MACROD2: variants seen among roughly 807,000 people sequenced by gnomAD.
MACROD2 encodes the protein ADP-ribose glycohydrolase MACROD2.
In MACROD2, 36 loss-of-function variants were observed where a neutral mutation model predicts 70.4. The ratio of observed to expected loss-of-function variants is 0.51; its 90% CI spans 0.39 to 0.68. The LOEUF is 0.68. Among genes scored for constraint, MACROD2 ranks in the 30% least tolerant of loss-of-function variants. The pLI is 0.00. For synonymous variants in MACROD2, 172 were observed against 178.8 expected (o/e 0.96, Z 0.30); for missense variants, 496 against 538.4 (o/e 0.92, Z 0.78).
At chr20:14,247,028 A>G (rs2122254216) in intron 3 of MACROD2, among the ~76,000 whole-genome samples, 1 of 152,314 alleles carries the variant, frequency 6.6e-6, no homozygotes, top group Admixed American at 6.5e-5. Flanking sequence ...CAAAATGTCT[A>G]CAGTTCACCT....
At chr20:14,507,358 A>G (rs953027498) in intron 4 of MACROD2, among the ~76,000 whole-genome samples, 1 of 152,164 alleles carries the variant, frequency 6.6e-6, no homozygotes, top group African/African-American at 2.4e-5. Flanking sequence ...GAAAAGTAGA[A>G]TGGTGATCAC....
chr20:14,379,071 G>A (rs204654), intron 3 of MACROD2, among the ~76,000 whole-genome samples: 1,742 of 152,220 alleles, frequency 0.011, 30 homozygotes, highest in African/African-American at 0.04. Context: ...TATGTGCCAG[G>A]TACTTGACTA....
intron 3 of MACROD2, among the ~76,000 whole-genome samples, chr20:14,245,828 C>T (rs1194488195): frequency 6.6e-6 from 1 of 152,166 alleles, no homozygotes; most frequent in African/African-American, 2.4e-5. Flanking sequence ...TGAAAATTCA[C>T]AGACACCATT....
chr20:14,083,635 A>T (rs1488322827), intron 2 of MACROD2, among the ~76,000 whole-genome samples: 1 of 152,144 alleles, frequency 6.6e-6, no homozygotes, highest in African/African-American at 2.4e-5. Context: ...AGAGATAAAT[A>T]GTACTGTAGG....
intron 5 of MACROD2, among the ~76,000 whole-genome samples, chr20:15,050,898 T>C (rs1337932270): frequency 6.6e-6 from 1 of 152,088 alleles, no homozygotes; most frequent in African/African-American, 2.4e-5. Context: ...ACTCAAAGGG[T>C]GTTCAAAATT....
chr20:15,704,244 G>A (rs930367165), intron 8 of MACROD2, among the ~76,000 whole-genome samples: 1 of 151,618 alleles, frequency 6.6e-6, no homozygotes, highest in African/African-American at 2.4e-5. Context: ...GAATCCTTTA[G>A]CCTGAAGAAA....
intron 3 of MACROD2, among the ~76,000 whole-genome samples, chr20:14,274,371 A>T (rs2082229449): frequency 1.3e-5 from 2 of 152,236 alleles, no homozygotes; most frequent in South Asian, 4.1e-4. Flanking sequence ...AATCCAGCAT[A>T]TAAACAGAAC....
At chr20:15,640,140 TAAAAG>T (rs1030234680) in intron 8 of MACROD2, among the ~76,000 whole-genome samples, 1 of 143,670 alleles carries the variant, frequency 7.0e-6, no homozygotes, top group Non-Finnish European at 1.5e-5. Flanking sequence ...GGAGAAATGA[TAAAAG>T]AGAGAAAAAG....
chr20:14,226,517 C>T (rs894925419), intron 3 of MACROD2, among the ~76,000 whole-genome samples: 1 of 152,238 alleles, frequency 6.6e-6, no homozygotes, highest in African/African-American at 2.4e-5. Flanking sequence ...TAGGGAGGCG[C>T]GAGCGGGAAC....
intron 5 of MACROD2, among the ~76,000 whole-genome samples, chr20:14,824,939 A>T (rs2122218403): frequency 6.6e-6 from 1 of 152,194 alleles, no homozygotes; most frequent in South Asian, 2.1e-4. Flanking sequence ...CCCATTTTCC[A>T]TTTAAGATAA....
At chr20:14,603,201 A>G (rs1379444111) in intron 4 of MACROD2, among the ~76,000 whole-genome samples, 2 of 152,130 alleles carry the variant, frequency 1.3e-5, no homozygotes, top group Non-Finnish European at 2.9e-5. Flanking sequence ...AGGCTTGAAG[A>G]GTTTTTACAT....
intron 5 of MACROD2, among the ~76,000 whole-genome samples, chr20:15,053,306 C>T (rs1266598033): frequency 6.6e-6 from 1 of 152,154 alleles, no homozygotes; most frequent in Non-Finnish European, 1.5e-5. Flanking sequence ...ATGTTCATCA[C>T]TAGAAAAGAG....
chr20:15,664,751 G>A (rs2049874244), intron 8 of MACROD2, among the ~76,000 whole-genome samples: 1 of 152,084 alleles, frequency 6.6e-6, no homozygotes, highest in Non-Finnish European at 1.5e-5. Context: ...ACGCACAGTG[G>A]CACAAGTGCA....
At chr20:15,435,173 TAA>T in intron 7 of MACROD2, among the ~76,000 whole-genome samples, 1 of 152,144 alleles carries the variant, frequency 6.6e-6, no homozygotes, top group Admixed American at 6.5e-5. Flanking sequence ...AATGTTGAAA[TAA>T]AAATACAATT....
intron 5 of MACROD2, among the ~76,000 whole-genome samples, chr20:14,912,097 G>T (rs1236758713): frequency 6.6e-6 from 1 of 152,068 alleles, no homozygotes; most frequent in Non-Finnish European, 1.5e-5. Context: ...GGGGTCACTT[G>T]GTCCCATCTC....
intron 8 of MACROD2, among the ~76,000 whole-genome samples, chr20:15,562,895 G>A (rs1485248211): frequency 6.6e-6 from 1 of 152,212 alleles, no homozygotes; most frequent in Non-Finnish European, 1.5e-5. Flanking sequence ...GATGGAGCTA[G>A]GGAGACCCAG....
At chr20:15,685,708 G>A (rs2050216807) in intron 8 of MACROD2, among the ~76,000 whole-genome samples, 1 of 152,124 alleles carries the variant, frequency 6.6e-6, no homozygotes, top group African/African-American at 2.4e-5. Flanking sequence ...ACTACTGCCT[G>A]GGTAATGACT....
chr20:14,216,844 G>A (rs965828961), intron 3 of MACROD2, among the ~76,000 whole-genome samples: 3 of 152,042 alleles, frequency 2.0e-5, no homozygotes, highest in African/African-American at 7.2e-5. Context: ...CTACTGATTT[G>A]TGTACATTAA....
At chr20:15,028,340 A>C (rs943186423) in intron 5 of MACROD2, among the ~76,000 whole-genome samples, 3 of 152,180 alleles carry the variant, frequency 2.0e-5, no homozygotes, top group African/African-American at 7.2e-5. Flanking sequence ...TGAGCCTTCT[A>C]ATGCACAGGG....
Sources: allele counts gnomAD v4.1 joint callset (sites outside exome capture counted in the v4.1 genomes callset), GRCh38; gene constraint gnomAD v4.1.1; transcripts MANE v1.5; gene names NCBI Gene and HGNC (gene_info 2026-07-23, HGNC 2026-07-21).